The following STAG1 variants were observed in gnomAD, a reference collection of about 807,000 sequenced individuals.
The protein encoded by STAG1 is cohesin subunit SA-1.
Under a neutral mutation model 170.9 loss-of-function variants are expected in STAG1, and 26 were observed. That is an observed-to-expected ratio of 0.15 (90% CI 0.11 to 0.21). The LOEUF is 0.21. Among genes scored for constraint, STAG1 ranks in the 10% least tolerant of loss-of-function variants. The probability of loss-of-function intolerance (pLI) is 1.00; values close to 1 mark genes in which losing one functional copy is unlikely to be tolerated. For missense variants in STAG1, 964 were observed against 1,509.5 expected (o/e 0.64, Z 5.99); for synonymous variants, 514 against 497.7 (o/e 1.03, Z -0.44).
chr3:136,419,421 T>C (rs1042262166), intron 20 of STAG1, among the ~76,000 whole-genome samples: 1 of 152,056 alleles, frequency 6.6e-6, no homozygotes, highest in African/African-American at 2.4e-5. Flanking sequence ...AAAATTACAA[T>C]TTGACAACAC....
intron 9 of STAG1, among the ~76,000 whole-genome samples, chr3:136,485,396 G>T (rs900542435): frequency 6.6e-6 from 1 of 152,144 alleles, no homozygotes; most frequent in Non-Finnish European, 1.5e-5. Flanking sequence ...GGCGGAGGTT[G>T]CAGTAAGCCG....
In STAG1 at chr3:136,346,110, A is replaced by G. The variant is rs116175120; in HGVS notation, c.3272-2104T>C. Among the ~76,000 whole-genome samples the G allele has an allele frequency of 4.6e-5, 7 of 152,322 alleles. No individual in the cohort carries two copies. The South Asian group carries it at 6.2e-4, about 14-fold the overall frequency. On this transcript the variant is annotated intron_variant, in intron 29 of 33. Transcript: ENST00000383202. ...CCAGAAAATCTTCCTGTATTCATTA[A>G]AAGTTTGGTCACTGTCTATATGTTC... is the stretch of plus-strand genomic sequence containing the variant.
chr3:136,478,471 A>C (rs2089820257), intron 9 of STAG1, among the ~76,000 whole-genome samples: 1 of 152,242 alleles, frequency 6.6e-6, no homozygotes, highest in Non-Finnish European at 1.5e-5. Context: ...TAACTATAAT[A>C]TCATAAATCC....
intron 22 of STAG1, among the ~76,000 whole-genome samples, chr3:136,384,522 A>G (rs1341756190): frequency 6.6e-6 from 1 of 151,972 alleles, no homozygotes; most frequent in Non-Finnish European, 1.5e-5. Context: ...TAATCTTAGC[A>G]CTTTGGGAGG....
At chr3:136,706,243 C>T (rs989159880) in intron 1 of STAG1, among the ~76,000 whole-genome samples, 2 of 152,106 alleles carry the variant, frequency 1.3e-5, no homozygotes, top group African/African-American at 4.8e-5. Context: ...ACACTGCTAG[C>T]CAGGCAAGAA....
At chr3:136,358,000 G>T in intron 27 of STAG1, 152 bp from the exon 28 acceptor site, 1 of 597,222 alleles carries the variant, frequency 1.7e-6, no homozygotes, top group East Asian at 3.3e-5. Flanking sequence ...TGAATATATA[G>T]GACATATTTG....
chr3:136,591,437 A>T (rs535474373), intron 4 of STAG1: 3 of 216,488 alleles, frequency 1.4e-5, no homozygotes, highest in South Asian at 5.1e-5. Flanking sequence ...CGTCATGGCC[A>T]TATGCACCTG....
At chr3:136,438,914 C>T (rs976095551) in intron 15 of STAG1, among the ~76,000 whole-genome samples, 9 of 151,910 alleles carry the variant, frequency 5.9e-5, no homozygotes, top group African/African-American at 1.7e-4. Flanking sequence ...TAAAGTTTCT[C>T]AGCCAGGTGT....
chr3:136,666,441 C>A (rs1180242333), intron 1 of STAG1, among the ~76,000 whole-genome samples: 1 of 152,150 alleles, frequency 6.6e-6, no homozygotes, highest in Non-Finnish European at 1.5e-5. Context: ...TGTATAAGAA[C>A]TCAGAACTGT....
chr3:136,526,134 C>G (rs917052424), intron 6 of STAG1, among the ~76,000 whole-genome samples: 3 of 152,120 alleles, frequency 2.0e-5, no homozygotes, highest in Non-Finnish European at 4.4e-5. Context: ...GAGCTGAGTT[C>G]AATTCCTGGA....
chr3:136,611,226 T>C (rs1426031020), intron 3 of STAG1, among the ~76,000 whole-genome samples: 1 of 152,166 alleles, frequency 6.6e-6, no homozygotes, highest in Non-Finnish European at 1.5e-5. Flanking sequence ...CTAGGCTCAC[T>C]GCAACCTCCG....
At chr3:136,519,005 A>C (rs2107900891) in intron 7 of STAG1, among the ~76,000 whole-genome samples, 1 of 152,212 alleles carries the variant, frequency 6.6e-6, no homozygotes, top group African/African-American at 2.4e-5. Flanking sequence ...CAAAGGGATA[A>C]GTATAGAGAA....
At chr3:136,712,706 T>C (rs1943417424) in intron 1 of STAG1, among the ~76,000 whole-genome samples, 1 of 152,162 alleles carries the variant, frequency 6.6e-6, no homozygotes, top group African/African-American at 2.4e-5. Flanking sequence ...GGAAAACAAT[T>C]TGGCCTTTTC....
chr3:136,398,091 C>T (rs2087219291), intron 22 of STAG1, among the ~76,000 whole-genome samples: 1 of 151,612 alleles, frequency 6.6e-6, no homozygotes, highest in Admixed American at 6.6e-5. Flanking sequence ...GGATTACAGG[C>T]ACCCAACACC....
At chr3:136,626,534 G>T (rs1046420489) in intron 2 of STAG1, among the ~76,000 whole-genome samples, 28 of 152,092 alleles carry the variant, frequency 1.8e-4, no homozygotes, top group Admixed American at 1.5e-3. Flanking sequence ...TAACATAAAT[G>T]CAGCCATATG....
chr3:136,352,486 A>G (rs995961143), intron 28 of STAG1, among the ~76,000 whole-genome samples: 5 of 152,204 alleles, frequency 3.3e-5, no homozygotes, highest in Admixed American at 3.3e-4. Context: ...AGAAAAAATT[A>G]TGAGACGTAC....
At chr3:136,354,832 T>C (rs1294046896) in intron 28 of STAG1, among the ~76,000 whole-genome samples, 1 of 105,502 alleles carries the variant, frequency 9.5e-6, no homozygotes, top group Non-Finnish European at 2.0e-5. Context: ...TAATAGAGAA[T>C]GTCAGGTTGA....
intron 9 of STAG1, among the ~76,000 whole-genome samples, chr3:136,496,803 T>C (rs557799970): frequency 2.0e-5 from 3 of 149,690 alleles, no homozygotes; most frequent in East Asian, 3.9e-4. Context: ...ATCAATGAAA[T>C]AGAAAACAAA....
At chr3:136,427,804 C>T (rs191428183) in intron 16 of STAG1, among the ~76,000 whole-genome samples, 2 of 152,074 alleles carry the variant, frequency 1.3e-5, no homozygotes, top group East Asian at 3.9e-4. Context: ...AAAGGCACAC[C>T]TATACTCATA....
Sources: allele counts gnomAD v4.1 joint callset (sites outside exome capture counted in the v4.1 genomes callset), GRCh38; gene constraint gnomAD v4.1.1; transcripts MANE v1.5; gene names NCBI Gene and HGNC (gene_info 2026-07-23, HGNC 2026-07-21).